The following THSD7A variants were observed in gnomAD, a reference collection of about 807,000 sequenced individuals.
The protein encoded by THSD7A is thrombospondin type 1 domain containing 7A.
A neutral mutation model predicts 231.3 loss-of-function variants in THSD7A; 96 were observed. That is an observed-to-expected ratio of 0.41 (90% CI 0.35 to 0.49). The LOEUF (loss-of-function observed/expected upper bound fraction) is 0.49. Ranked by LOEUF, THSD7A falls within the 20% of genes least tolerant of loss-of-function variation. THSD7A has a pLI of 0.05. For missense variants in THSD7A, 2,290 were observed against 2,070.2 expected (o/e 1.11, Z -2.06); for synonymous variants, 940 against 743.3 (o/e 1.26, Z -4.30).
At chr7:11,788,815 G>C (rs1783866959) in intron 1 of THSD7A, among the ~76,000 whole-genome samples, 1 of 151,920 alleles carries the variant, frequency 6.6e-6, no homozygotes, top group African/African-American at 2.4e-5. Flanking sequence ...TTTTTCTGAG[G>C]TTTAAATGAA....
chr7:11,562,956 A>G (rs1273517357), intron 4 of THSD7A, among the ~76,000 whole-genome samples: 1 of 152,210 alleles, frequency 6.6e-6, no homozygotes, highest in African/African-American at 2.4e-5. Context: ...AGAAGGTTCT[A>G]TGGATGATTT....
At chr7:11,482,914 A>G (rs761191929) in intron 6 of THSD7A, among the ~76,000 whole-genome samples, 1 of 152,228 alleles carries the variant, frequency 6.6e-6, no homozygotes, top group Non-Finnish European at 1.5e-5. Flanking sequence ...CCAACAGAAT[A>G]ACCAAAACAG....
chr7:11,786,619 C>G (rs1246032711), intron 1 of THSD7A, among the ~76,000 whole-genome samples: 2 of 151,874 alleles, frequency 1.3e-5, no homozygotes, highest in African/African-American at 2.4e-5. Flanking sequence ...ATGCCTCGCT[C>G]TAACTTCTTA....
chr7:11,538,817 C>T (rs983757387), intron 6 of THSD7A, among the ~76,000 whole-genome samples: 7 of 152,086 alleles, frequency 4.6e-5, no homozygotes, highest in African/African-American at 1.7e-4. Flanking sequence ...ACAACCCTCC[C>T]CAAGCCTCCT....
chr7:11,421,483 C>A (rs1444836529), intron 16 of THSD7A, among the ~76,000 whole-genome samples: 1 of 152,180 alleles, frequency 6.6e-6, no homozygotes, highest in East Asian at 1.9e-4. Flanking sequence ...AATTAAACCT[C>A]TTTTCTTTAT....
intron 1 of THSD7A, among the ~76,000 whole-genome samples, chr7:11,766,105 C>G (rs914549483): frequency 3.3e-5 from 5 of 152,090 alleles, no homozygotes; most frequent in Non-Finnish European, 5.9e-5. Context: ...ATTTTAAAAG[C>G]TGTTTGAAGT....
chr7:11,699,776 AGT>A (rs1366771868), intron 1 of THSD7A, among the ~76,000 whole-genome samples: 1 of 151,252 alleles, frequency 6.6e-6, no homozygotes, highest in Non-Finnish European at 1.5e-5. Flanking sequence ...ACATAACTGA[AGT>A]GTGACAGCTA....
At chr7:11,424,605 A>T in intron 16 of THSD7A, 91 bp downstream of exon 16, 1 of 1,536,486 alleles carries the variant, frequency 6.5e-7, no homozygotes, top group Admixed American at 1.8e-5. Flanking sequence ...TATCCAGAAG[A>T]CTGGGGAGGA....
At chr7:11,582,154 T>C (rs1337376363) in intron 4 of THSD7A, among the ~76,000 whole-genome samples, 2 of 152,034 alleles carry the variant, frequency 1.3e-5, no homozygotes, top group African/African-American at 2.4e-5. Context: ...GTACTTCTAT[T>C]AAATTGATTA....
At chr7:11,677,311 A>G (rs1330358133) in intron 1 of THSD7A, among the ~76,000 whole-genome samples, 1 of 152,092 alleles carries the variant, frequency 6.6e-6, no homozygotes, top group East Asian at 1.9e-4. Context: ...CACTGCAAAA[A>G]CATACAAAAA....
At chr7:11,797,042 T>C (rs1214304819) in intron 1 of THSD7A, among the ~76,000 whole-genome samples, 6 of 152,168 alleles carry the variant, frequency 3.9e-5, no homozygotes, top group South Asian at 2.1e-4. Context: ...ATAACATTAT[T>C]TGGGGAAACA....
intron 1 of THSD7A, among the ~76,000 whole-genome samples, chr7:11,683,668 A>G (rs888461461): frequency 6.6e-6 from 1 of 152,052 alleles, no homozygotes; most frequent in Non-Finnish European, 1.5e-5. Flanking sequence ...CCAAAATTTA[A>G]CAAGGAAGAA....
intron 1 of THSD7A, among the ~76,000 whole-genome samples, chr7:11,772,012 C>G (rs570759539): frequency 3.3e-5 from 5 of 152,306 alleles, no homozygotes; most frequent in African/African-American, 7.2e-5. Context: ...CAGGTGCCAG[C>G]ATTCACGCTT....
chr7:11,554,867 C>A (rs766951279), intron 4 of THSD7A, among the ~76,000 whole-genome samples: 52 of 151,724 alleles, frequency 3.4e-4, no homozygotes, highest in Non-Finnish European at 6.8e-4. Context: ...CCCATGTAGT[C>A]TAAGTTGTCA....
chr7:11,604,902 G>A (rs1212007169), intron 2 of THSD7A, among the ~76,000 whole-genome samples: 1 of 151,996 alleles, frequency 6.6e-6, no homozygotes, highest in Non-Finnish European at 1.5e-5. Flanking sequence ...GAAATCACAA[G>A]CATATCAGAG....
intron 20 of THSD7A, 118 bp downstream of exon 20, chr7:11,407,188 A>T: frequency 6.9e-7 from 1 of 1,457,714 alleles, no homozygotes; most frequent in East Asian, 2.4e-5. Flanking sequence ...ATGTTTTGCA[A>T]AGAAAGACAA....
chr7:11,791,485 T>C (rs1374711634), intron 1 of THSD7A, among the ~76,000 whole-genome samples: 1 of 152,028 alleles, frequency 6.6e-6, no homozygotes, highest in African/African-American at 2.4e-5. Flanking sequence ...AAAGTTGTAG[T>C]TTCCCAAAGT....
intron 1 of THSD7A, among the ~76,000 whole-genome samples, chr7:11,784,552 A>T (rs1783728121): frequency 2.6e-5 from 4 of 151,524 alleles, no homozygotes; most frequent in Admixed American, 2.6e-4. Flanking sequence ...TCTGCTATTA[A>T]TTTACCCATT....
chr7:11,422,125 G>C (rs1784165578), intron 16 of THSD7A, among the ~76,000 whole-genome samples: 1 of 152,186 alleles, frequency 6.6e-6, no homozygotes, highest in South Asian at 2.1e-4. Context: ...GTGGTAATAA[G>C]ACAGTGTATT....
Sources: allele counts gnomAD v4.1 joint callset (sites outside exome capture counted in the v4.1 genomes callset), GRCh38; gene constraint gnomAD v4.1.1; transcripts MANE v1.5; gene names NCBI Gene and HGNC (gene_info 2026-07-23, HGNC 2026-07-21).